Variants in NEK10 observed in about 807,000 individuals in gnomAD.
NEK10 encodes the protein serine/threonine-protein kinase Nek10.
Under a neutral mutation model 159.8 loss-of-function variants are expected in NEK10, and 122 were observed. The ratio of observed to expected loss-of-function variants is 0.76; its 90% confidence interval spans 0.66 to 0.89. The LOEUF is 0.89. Ranked by LOEUF, NEK10 falls within the 40% of genes least tolerant of loss-of-function variation. NEK10 has a pLI of 0.00. For missense variants in NEK10, 1,342 were observed against 1,323.1 expected, an observed-to-expected ratio of 1.01 and a Z score of -0.22; for synonymous variants, 466 against 457.1, an observed-to-expected ratio of 1.02 and a Z score of -0.25.
At chr3:27,130,165 G>C (rs1257801177) in intron 32 of NEK10, among the ~76,000 whole-genome samples, 1 of 152,136 alleles carries the variant, frequency 6.6e-6, no homozygotes, top group African/African-American at 2.4e-5. Context: ...ATGTCCCAAA[G>C]ACCACCATGG....
At chr3:27,258,988 C>A (rs2040146928) in intron 22 of NEK10, among the ~76,000 whole-genome samples, 1 of 152,088 alleles carries the variant, frequency 6.6e-6, no homozygotes, top group African/African-American at 2.4e-5. Flanking sequence ...AGCATTTTTT[C>A]ATCTGTCCTT....
intron 11 of NEK10, among the ~76,000 whole-genome samples, chr3:27,306,630 G>A (rs1193329647): frequency 1.3e-5 from 2 of 152,068 alleles, no homozygotes; most frequent in Non-Finnish European, 1.5e-5. Flanking sequence ...AATTCACATC[G>A]TTATTTATCA....
At position 27,115,942 on chromosome 3, in the gene NEK10, G is replaced by T. The variant is rs779998180; in HGVS notation, c.3297C>A (p.Asn1099Lys). The T allele has an allele frequency of 2.5e-6, 4 of 1,609,260 alleles. No homozygotes were observed. Among genetic ancestry groups the T allele is most frequent in the Admixed American group, 3.3e-5 (2 of 59,936 alleles). The change falls in exon 35 of 36, where the codon AAC becomes AAA. Residue 1099 changes from asparagine (N) to lysine (K), a missense_variant and splice_region_variant. Coordinates refer to ENST00000691995, the MANE Select transcript of NEK10 (RefSeq NM_001394966.1). ...TGAAGGCAAACTCTAGCTCTTACCT[G>T]TTAGATGTAAAATTGTAATAGCCAC... ...EESGYYNFTS[N>K]RYHSYPWGTK...
chr3:27,143,319 T>C (rs1943966310), intron 30 of NEK10: 1 of 515,242 alleles, frequency 1.9e-6, no homozygotes, highest in Non-Finnish European at 3.4e-6. Context: ...GTTTCTGATT[T>C]GTAGATGCAA....
intron 22 of NEK10, among the ~76,000 whole-genome samples, chr3:27,271,359 A>G (rs1022149458): frequency 5.5e-5 from 8 of 145,180 alleles, no homozygotes; most frequent in Admixed American, 4.3e-4. Flanking sequence ...AAATTAAGCA[A>G]TCACTATACA....
intron 23 of NEK10, among the ~76,000 whole-genome samples, chr3:27,216,916 T>A (rs1039428281): frequency 1.3e-5 from 2 of 152,240 alleles, no homozygotes; most frequent in Admixed American, 1.3e-4. Context: ...AATTTATCAA[T>A]TTATTCTAAA....
intron 22 of NEK10, among the ~76,000 whole-genome samples, chr3:27,257,065 G>A (rs965256759): frequency 6.6e-6 from 1 of 151,930 alleles, no homozygotes; most frequent in Non-Finnish European, 1.5e-5. Flanking sequence ...ACAGGCACGT[G>A]CCACCATGCC....
At chr3:27,128,489 A>G (rs1053614136) in intron 32 of NEK10, among the ~76,000 whole-genome samples, 1 of 152,148 alleles carries the variant, frequency 6.6e-6, no homozygotes, top group Non-Finnish European at 1.5e-5. Context: ...TTCTACAATA[A>G]GAAACTTTTC....
At chr3:27,292,230 G>C (rs2043047142) in intron 16 of NEK10, among the ~76,000 whole-genome samples, 1 of 152,074 alleles carries the variant, frequency 6.6e-6, no homozygotes, top group South Asian at 2.1e-4. Context: ...ATATGATACA[G>C]ATTATACAAA....
chr3:27,211,688 G>A (rs572560187), intron 23 of NEK10, among the ~76,000 whole-genome samples: 8 of 152,142 alleles, frequency 5.3e-5, no homozygotes, highest in East Asian at 1.9e-4. Flanking sequence ...ATGTTTACTC[G>A]TTCATCTCCA....
intron 23 of NEK10, chr3:27,215,047 C>T (rs1951373035): frequency 1.7e-6 from 1 of 592,256 alleles, no homozygotes; most frequent in African/African-American, 1.9e-5. Context: ...CTCCAGCTTT[C>T]CTCTTGGCCG....
intron 26 of NEK10, among the ~76,000 whole-genome samples, chr3:27,189,150 A>G (rs1948890514): frequency 6.6e-6 from 1 of 152,130 alleles, no homozygotes; most frequent in South Asian, 2.1e-4. Flanking sequence ...CATTCTTCAA[A>G]AGGAAAGGTT....
At chr3:27,300,723 T>C (rs1030951122) in intron 13 of NEK10, among the ~76,000 whole-genome samples, 1 of 152,102 alleles carries the variant, frequency 6.6e-6, no homozygotes, top group Non-Finnish European at 1.5e-5. Context: ...ACTCTTTGAA[T>C]GATTGCTAGA....
chr3:27,155,522 T>TAAAAC (rs1200796058), intron 30 of NEK10, among the ~76,000 whole-genome samples: 1 of 143,504 alleles, frequency 7.0e-6, no homozygotes, highest in African/African-American at 2.6e-5. Context: ...TAAAATAAAA[T>TAAAAC]AAAATAAAAT....
At chr3:27,155,430 A>G (rs1945302052) in intron 30 of NEK10, among the ~76,000 whole-genome samples, 1 of 151,984 alleles carries the variant, frequency 6.6e-6, no homozygotes, top group Non-Finnish European at 1.5e-5. Flanking sequence ...TGAACCCGGG[A>G]GGCGGAGGTT....
At chr3:27,219,035 G>C (rs1311627351) in intron 23 of NEK10, among the ~76,000 whole-genome samples, 2 of 152,232 alleles carry the variant, frequency 1.3e-5, no homozygotes, top group Non-Finnish European at 2.9e-5. Context: ...CCTTTTCTTA[G>C]TGCGTATGCC....
chr3:27,300,690 T>C (rs1169999008), intron 13 of NEK10, among the ~76,000 whole-genome samples: 1 of 152,162 alleles, frequency 6.6e-6, no homozygotes, highest in African/African-American at 2.4e-5. Flanking sequence ...TTCTTCTGAA[T>C]TCTATCACCG....
chr3:27,314,696 A>C (rs1358934311), intron 6 of NEK10, among the ~76,000 whole-genome samples: 5 of 152,332 alleles, frequency 3.3e-5, no homozygotes, highest in Admixed American at 3.3e-4. Flanking sequence ...ACCAAGACAC[A>C]GAAAGAAAAC....
At chr3:27,162,217 C>G (rs1215182287) in intron 30 of NEK10, 3 of 541,798 alleles carry the variant, frequency 5.5e-6, no homozygotes. Flanking sequence ...GGTTAACATT[C>G]CCGCCACGGC....
Sources: gnomAD v4.1 joint callset for allele counts (sites outside exome capture counted in the v4.1 genomes callset) on GRCh38, gnomAD v4.1.1 for gene constraint, MANE v1.5 for transcripts, NCBI Gene and HGNC (gene_info 2026-07-23, HGNC 2026-07-21) for gene names.